IL1RAPL1: variants seen among roughly 807,000 people sequenced by gnomAD.
IL1RAPL1 encodes interleukin-1 receptor accessory protein-like 1.
In IL1RAPL1, 3 loss-of-function variants were observed where a neutral mutation model predicts 48.4. The ratio of observed to expected loss-of-function variants is 0.06; its 90% CI spans 0.03 to 0.16. The LOEUF (loss-of-function observed/expected upper bound fraction) is 0.16. Ranked by LOEUF, IL1RAPL1 falls within the 10% of genes least tolerant of loss-of-function variation. The pLI is 1.00. For missense variants in IL1RAPL1, 349 were observed against 530.6 expected (o/e 0.66, Z 3.36); for synonymous variants, 185 against 187.7 (o/e 0.99, Z 0.12).
chrX:29,552,654 T>A (rs1463186798), intron 5 of IL1RAPL1, among the ~76,000 whole-genome samples: 7 of 111,319 alleles, frequency 6.3e-5, no homozygotes, highest in Non-Finnish European at 1.3e-4. Context: ...GATTTATTGA[T>A]TGTTGTAATG....
chrX:28,849,356 G>A (rs759986642), intron 2 of IL1RAPL1, among the ~76,000 whole-genome samples: 2 of 111,694 alleles, frequency 1.8e-5, no homozygotes, highest in South Asian at 3.7e-4. Context: ...TACACGAGAA[G>A]CTGCAAGATT....
intron 2 of IL1RAPL1, among the ~76,000 whole-genome samples, chrX:28,839,545 C>G (rs950907479): frequency 9.1e-6 from 1 of 109,578 alleles, no homozygotes; most frequent in African/African-American, 3.3e-5. Flanking sequence ...ATATGTGATA[C>G]CAAATTTTTA....
intron 6 of IL1RAPL1, among the ~76,000 whole-genome samples, chrX:29,898,793 C>CACTT (rs951092918): frequency 8.9e-6 from 1 of 111,830 alleles, no homozygotes; most frequent in African/African-American, 3.2e-5. Context: ...CACAACTTCC[C>CACTT]ACTTAGAGAG....
chrX:29,007,344 C>T (rs1410140297), intron 2 of IL1RAPL1, among the ~76,000 whole-genome samples: 3 of 111,689 alleles, frequency 2.7e-5, no homozygotes, highest in Middle Eastern at 4.7e-3. Flanking sequence ...AGTTTATAAT[C>T]TGAGGACTTA....
At chrX:28,737,205 C>CTTTCTT (rs1555918044) in intron 1 of IL1RAPL1, among the ~76,000 whole-genome samples, 1 of 50,291 alleles carries the variant, frequency 2.0e-5, no homozygotes, top group African/African-American at 8.8e-5. Flanking sequence ...TTCTTTCTTT[C>CTTTCTT]TCTTTCTTTC....
intron 2 of IL1RAPL1, among the ~76,000 whole-genome samples, chrX:28,910,263 T>C (rs779626653): frequency 5.4e-5 from 6 of 111,432 alleles, no homozygotes; most frequent in African/African-American, 1.9e-4. Flanking sequence ...CACTGATAAC[T>C]TTTGCCATTC....
At chrX:29,811,291 C>T (rs753892586) in intron 6 of IL1RAPL1, among the ~76,000 whole-genome samples, 1 of 110,451 alleles carries the variant, frequency 9.1e-6, no homozygotes, top group African/African-American at 3.3e-5. Flanking sequence ...AATATTAACT[C>T]ACACAATCAC....
chrX:29,580,414 G>A (rs933491023), intron 5 of IL1RAPL1, among the ~76,000 whole-genome samples: 6 of 111,280 alleles, frequency 5.4e-5, no homozygotes, highest in African/African-American at 2.0e-4. Flanking sequence ...TAGCTCTACT[G>A]GACAGGATAG....
intron 1 of IL1RAPL1, among the ~76,000 whole-genome samples, chrX:28,622,474 A>AG (rs1415623725): frequency 3.6e-5 from 4 of 112,066 alleles, no homozygotes. Context: ...ATGGAATCCA[A>AG]CAACAGCAAT....
At chrX:28,911,837 T>A (rs985975008) in intron 2 of IL1RAPL1, among the ~76,000 whole-genome samples, 2 of 108,055 alleles carry the variant, frequency 1.9e-5, no homozygotes, top group African/African-American at 6.7e-5. Context: ...TTTGGATTTG[T>A]GTTTGTGTGT....
At chrX:29,377,100 A>G (rs1428079206) in intron 3 of IL1RAPL1, among the ~76,000 whole-genome samples, 1 of 112,246 alleles carries the variant, frequency 8.9e-6, no homozygotes, top group Non-Finnish European at 1.9e-5. Context: ...AACTGTTATC[A>G]TTATGTAATG....
intron 2 of IL1RAPL1, among the ~76,000 whole-genome samples, chrX:28,828,557 C>A (rs1920986915): frequency 8.9e-6 from 1 of 111,788 alleles, no homozygotes; most frequent in Middle Eastern, 4.6e-3. Context: ...ACTGGGATTT[C>A]TATTACCTCA....
At chrX:29,379,263 TG>T (rs756545488) in intron 3 of IL1RAPL1, among the ~76,000 whole-genome samples, 1 of 111,951 alleles carries the variant, frequency 8.9e-6, no homozygotes, top group African/African-American at 3.2e-5. Flanking sequence ...TGTGGGGGAA[TG>T]GGGGGTATCC....
At chrX:29,773,364 C>G (rs1303267266) in intron 6 of IL1RAPL1, among the ~76,000 whole-genome samples, 1 of 111,806 alleles carries the variant, frequency 8.9e-6, no homozygotes, top group Non-Finnish European at 1.9e-5. Context: ...CTGCCTGTAC[C>G]CACATATTTC....
intron 8 of IL1RAPL1, among the ~76,000 whole-genome samples, chrX:29,921,877 T>C (rs1432249850): frequency 8.9e-6 from 1 of 112,356 alleles, no homozygotes; most frequent in African/African-American, 3.2e-5. Flanking sequence ...TTTACTTCAC[T>C]AGATTCAGCC....
At chrX:28,641,643 C>T (rs1934543233) in intron 1 of IL1RAPL1, among the ~76,000 whole-genome samples, 1 of 111,600 alleles carries the variant, frequency 9.0e-6, no homozygotes, top group Non-Finnish European at 1.9e-5. Context: ...GGAATCGCCG[C>T]ACTGTCTTCC....
intron 3 of IL1RAPL1, among the ~76,000 whole-genome samples, chrX:29,311,812 T>G (rs1429009965): frequency 8.9e-6 from 1 of 111,899 alleles, no homozygotes; most frequent in Non-Finnish European, 1.9e-5. Context: ...TAGGGTACAC[T>G]TTTCAAAAAT....
chrX:29,188,741 C>G (rs1930299563), intron 2 of IL1RAPL1, among the ~76,000 whole-genome samples: 1 of 109,296 alleles, frequency 9.1e-6, no homozygotes, highest in Non-Finnish European at 1.9e-5. Flanking sequence ...TGCCCGCCAC[C>G]ATGCCTGGCT....
At chrX:28,716,698 C>T (rs1935508144) in intron 1 of IL1RAPL1, among the ~76,000 whole-genome samples, 1 of 111,746 alleles carries the variant, frequency 8.9e-6, no homozygotes. Flanking sequence ...AAATAAAGAG[C>T]TTCTGCACAG....
Sources: allele counts gnomAD v4.1 joint callset (sites outside exome capture counted in the v4.1 genomes callset), GRCh38; gene constraint gnomAD v4.1.1; transcripts MANE v1.5; gene names NCBI Gene and HGNC (gene_info 2026-07-23, HGNC 2026-07-21).